The following CNST variants were observed in gnomAD, a reference collection of about 807,000 sequenced individuals.
CNST encodes the protein consortin.
Under a neutral mutation model 72.4 loss-of-function variants are expected in CNST, and 39 were observed. The ratio of observed to expected loss-of-function variants is 0.54; its 90% CI spans 0.42 to 0.70. CNST has a LOEUF of 0.70. Among genes scored for constraint, CNST ranks in the 30% least tolerant of loss-of-function variants. CNST has a pLI of 0.00. For missense variants in CNST, 871 were observed against 868.5 expected (o/e 1.00, Z -0.04); for synonymous variants, 332 against 320.1 (o/e 1.04, Z -0.40).
intron 1 of CNST, among the ~76,000 whole-genome samples, chr1:246,578,525 G>C (rs1220068177): frequency 6.6e-6 from 1 of 152,030 alleles, no homozygotes; most frequent in African/African-American, 2.4e-5. Flanking sequence ...CAAAAAATTA[G>C]CTGGGTGTGG....
rs555067418 is a variant in CNST at position 246,647,008 on chromosome 1, G to C, written c.938-131G>C. On this transcript the variant is annotated intron_variant, in intron 8 of 10. Coordinates refer to ENST00000366513, the MANE Select transcript of CNST (RefSeq NM_152609.3). Reference sequence around the variant, plus strand: ...TTCCTCTACCTAAAGACACTATTATGCAACAGACAGAATTTCCATTTGAAA... The same window carrying C: ...TTCCTCTACCTAAAGACACTATTATCCAACAGACAGAATTTCCATTTGAAA... 6 of 795,998 alleles carry C rather than the reference G, an allele frequency of 7.5e-6. No homozygotes were observed. In the African/African-American group the frequency reaches 8.7e-5, roughly 12 times the overall value. 49.3% of individuals were successfully genotyped at this position (795,998 alleles called of 1,614,324 possible).
intron 2 of CNST, among the ~76,000 whole-genome samples, chr1:246,596,397 C>CA (rs748839359): frequency 0.045 from 4,930 of 110,194 alleles, 139 homozygotes; most frequent in African/African-American, 0.11. Flanking sequence ...GATCCTGTCT[C>CA]AAAAAAAAAA....
intron 2 of CNST, chr1:246,607,725 C>G (rs1225824741): frequency 6.6e-6 from 1 of 152,226 alleles, no homozygotes; most frequent in African/African-American, 2.4e-5. Flanking sequence ...CTTGGTGACA[C>G]ATGCTGCTGG....
At chr1:246,579,493 G>A (rs1212906614) in intron 1 of CNST, among the ~76,000 whole-genome samples, 2 of 152,228 alleles carry the variant, frequency 1.3e-5, no homozygotes, top group Non-Finnish European at 2.9e-5. Flanking sequence ...CAGTAGCTGG[G>A]CTAGGTGGCT....
At chr1:246,614,932 C>T (rs1487533007) in intron 2 of CNST, among the ~76,000 whole-genome samples, 1 of 152,114 alleles carries the variant, frequency 6.6e-6, no homozygotes, top group Non-Finnish European at 1.5e-5. Flanking sequence ...CCGATCAATG[C>T]TAGACTATTA....
intron 1 of CNST, among the ~76,000 whole-genome samples, chr1:246,573,121 G>T (rs1009906835): frequency 2.6e-5 from 4 of 152,148 alleles, no homozygotes; most frequent in Admixed American, 2.6e-4. Flanking sequence ...TTCAAATTCA[G>T]CCATCAGGCT....
At chr1:246,642,692 T>C (rs1191344343) in intron 8 of CNST, among the ~76,000 whole-genome samples, 4 of 149,502 alleles carry the variant, frequency 2.7e-5, no homozygotes, top group South Asian at 4.3e-4. Flanking sequence ...AGGGTTTTTT[T>C]CCCTTGATAC....
intron 9 of CNST, among the ~76,000 whole-genome samples, chr1:246,659,887 C>T (rs1007615674): frequency 6.6e-6 from 1 of 152,104 alleles, no homozygotes; most frequent in African/African-American, 2.4e-5. Context: ...ATCATTTTAC[C>T]GATAACAGGG....
At chr1:246,588,804 A>G (rs761702677) in intron 1 of CNST, among the ~76,000 whole-genome samples, 2 of 152,178 alleles carry the variant, frequency 1.3e-5, no homozygotes, top group African/African-American at 2.4e-5. Context: ...TTTGGACACA[A>G]TTTTCATTGG....
At chr1:246,595,981 G>A (rs1255033140) in intron 2 of CNST, among the ~76,000 whole-genome samples, 1 of 152,026 alleles carries the variant, frequency 6.6e-6, no homozygotes, top group East Asian at 1.9e-4. Flanking sequence ...GGCAGTATTT[G>A]TGTCAATGGG....
chr1:246,597,955 T>C (rs1661992424), intron 2 of CNST, among the ~76,000 whole-genome samples: 1 of 143,610 alleles, frequency 7.0e-6, no homozygotes, highest in Non-Finnish European at 1.5e-5. Context: ...TTGTTGTGTT[T>C]ATGTGTGTCA....
At chr1:246,651,841 G>A (rs894271108) in intron 9 of CNST, among the ~76,000 whole-genome samples, 2 of 151,646 alleles carry the variant, frequency 1.3e-5, no homozygotes, top group African/African-American at 4.8e-5. Flanking sequence ...AGATTTTTAA[G>A]AAAAAAAATG....
At chr1:246,576,771 G>A (rs932926686) in intron 1 of CNST, among the ~76,000 whole-genome samples, 1 of 151,950 alleles carries the variant, frequency 6.6e-6, no homozygotes, top group Non-Finnish European at 1.5e-5. Context: ...TGGGGTTACA[G>A]GCGTGAGCCA....
intron 9 of CNST, among the ~76,000 whole-genome samples, chr1:246,657,500 A>G (rs887350882): frequency 9.2e-5 from 14 of 152,218 alleles, no homozygotes; most frequent in African/African-American, 2.7e-4. Flanking sequence ...AGCAAGAATT[A>G]AGGTATTGTG....
At chr1:246,605,734 CT>C (rs1370158586) in intron 2 of CNST, 5 of 126,272 alleles carry the variant, frequency 4.0e-5, no homozygotes, top group African/African-American at 1.1e-4. Context: ...GGGTAGGTGT[CT>C]TCCGGCCGGG....
At chr1:246,637,206 C>T (rs764474033) in intron 6 of CNST, among the ~76,000 whole-genome samples, 59 of 152,278 alleles carry the variant, frequency 3.9e-4, no homozygotes, top group Non-Finnish European at 6.0e-4. Context: ...GACCCTGGTA[C>T]GATGGACCCA....
At chr1:246,662,221 G>A (rs1667136204) in intron 10 of CNST, among the ~76,000 whole-genome samples, 1 of 152,118 alleles carries the variant, frequency 6.6e-6, no homozygotes, top group Admixed American at 6.6e-5. Context: ...CTTACACGGT[G>A]TTTTCATAAA....
At chr1:246,569,686 C>T in intron 1 of CNST, among the ~76,000 whole-genome samples, 1 of 152,200 alleles carries the variant, frequency 6.6e-6, no homozygotes, top group East Asian at 1.9e-4. Context: ...ACCTCAACCT[C>T]TCAAAGTGTT....
At chr1:246,644,196 C>G (rs532167546) in intron 8 of CNST, among the ~76,000 whole-genome samples, 1 of 151,892 alleles carries the variant, frequency 6.6e-6, no homozygotes, top group East Asian at 1.9e-4. Flanking sequence ...GTCAGGAGAT[C>G]GAGACCACAG....
Sources: allele counts gnomAD v4.1 joint callset (sites outside exome capture counted in the v4.1 genomes callset), GRCh38; gene constraint gnomAD v4.1.1; transcripts MANE v1.5; gene names NCBI Gene and HGNC (gene_info 2026-07-23, HGNC 2026-07-21).